The following UNC5A variants were observed in gnomAD, a reference collection of about 807,000 sequenced individuals.
The protein encoded by UNC5A is netrin receptor UNC5A.
In UNC5A, 20 loss-of-function variants were observed where a neutral mutation model predicts 87.4. The observed-to-expected ratio is 0.23, with a 90% CI of 0.16 to 0.33. The LOEUF (loss-of-function observed/expected upper bound fraction) is 0.33. Among genes scored for constraint, UNC5A ranks in the 10% least tolerant of loss-of-function variants. The pLI, the probability that UNC5A is intolerant of heterozygous loss-of-function variation, is 1.00. For missense variants in UNC5A, 844 were observed against 1,133.4 expected, an observed-to-expected ratio of 0.74 and a Z score of 3.67; for synonymous variants, 438 against 482.3, an observed-to-expected ratio of 0.91 and a Z score of 1.20.
intron 1 of UNC5A, among the ~76,000 whole-genome samples, chr5:176,860,939 A>G (rs887588392): frequency 6.6e-6 from 1 of 152,040 alleles, no homozygotes; most frequent in Non-Finnish European, 1.5e-5. Context: ...GAGTGAGAGG[A>G]GGGGCAGGCG....
Position 176,863,525 on chromosome 5 carries a change from G to A in UNC5A, c.292+680G>A, listed in dbSNP as rs187907152. 3.1e-3 allele frequency among the ~76,000 whole-genome samples: 473 copies of A among 152,188 alleles called. 4 individuals carry two copies. Among genetic ancestry groups the A allele is most frequent in the African/African-American group, 0.01 (434 of 41,516 alleles). ...CCAGCCAGACTCAGCTGGGGGCACA[G>A]AGAGAGAGGTTCTAGGGGCAGCGAG... On this transcript the variant is annotated intron_variant, in intron 2 of 14. Transcript: ENST00000329542.
In UNC5A at chr5:176,867,870, T is replaced by C. The variant is rs1171810060; in HGVS notation, c.293-260T>C. Among the ~76,000 whole-genome samples, 3 of 151,650 alleles carry C rather than the reference T, an allele frequency of 2.0e-5. No homozygotes were observed. The East Asian group carries it at 5.8e-4, about 29-fold the overall frequency. ...GGGAGTCAGGCCTCAGGTAACAAAG[T>C]ATAATGAATGGAAGGTCTACCCTGC... On this transcript the variant is annotated intron_variant, in intron 2 of 14. Coordinates refer to ENST00000329542, the MANE Select transcript of UNC5A (RefSeq NM_133369.3).
chr5:176,831,883 C>CTTTTTTTTTTTTTTTT (rs1285414321), intron 1 of UNC5A, among the ~76,000 whole-genome samples: 3 of 115,310 alleles, frequency 2.6e-5, no homozygotes, highest in African/African-American at 1.1e-4. Flanking sequence ...CTTTCTCTCT[C>CTTTTTTTTTTTTTTTT]TCTTTTTTTT....
Position 176,857,500 on chromosome 5 carries a change from G to GCA in UNC5A, c.71-5111_71-5110dup, listed in dbSNP as rs144381794. Among the ~76,000 whole-genome samples the GCA allele has an allele frequency of 3.6e-3, 539 of 151,286 alleles. 4 individuals are homozygous for GCA. The highest frequency in any genetic ancestry group is 0.013 in the African/African-American group (517 of 41,254). On this transcript the variant is annotated intron_variant, in intron 1 of 14. Transcript: ENST00000329542. ...TGGCCCCCAGCCTCCCTACACACAC[G>GCA]CACACACACACACATGCATGCCACA... is the stretch of plus-strand genomic sequence containing the variant.
At chr5:176,833,314 C>A (rs1176808722) in intron 1 of UNC5A, among the ~76,000 whole-genome samples, 9 of 148,922 alleles carry the variant, frequency 6.0e-5, no homozygotes, top group African/African-American at 2.1e-4. Flanking sequence ...CACCCTCCAC[C>A]CTCAAGTAAG....
chr5:176,841,040 C>T lies in UNC5A; in HGVS notation c.71-21584C>T, dbSNP rs73340089. ...CGGAGAAGGGGGATGAACCACTCCG[C>T]GCTGAATGGAGGCAGCGTGACTTGG... On this transcript the variant is annotated intron_variant, in intron 1 of 14. Coordinates refer to ENST00000329542, the MANE Select transcript of UNC5A (RefSeq NM_133369.3). This position sits in a 1 kb window ranked among gnomAD's most constrained non-coding sequence, Gnocchi z 4.1. 1.8e-3 allele frequency among the ~76,000 whole-genome samples: 272 copies of T among 152,338 alleles called. No homozygotes were observed. The highest frequency in any genetic ancestry group is 6.2e-3 in the African/African-American group (257 of 41,572).
intron 1 of UNC5A, among the ~76,000 whole-genome samples, chr5:176,843,389 T>C (rs1467912255): frequency 1.3e-5 from 2 of 151,842 alleles, no homozygotes; most frequent in East Asian, 1.9e-4. Context: ...CATGATCCCA[T>C]TGCGGTGACA....
intron 1 of UNC5A, among the ~76,000 whole-genome samples, chr5:176,832,220 A>T (rs1757049206): frequency 6.6e-6 from 1 of 152,060 alleles, no homozygotes; most frequent in Non-Finnish European, 1.5e-5. Flanking sequence ...CTGAAGCCTC[A>T]ATGCAGAGTT....
intron 1 of UNC5A, among the ~76,000 whole-genome samples, chr5:176,820,440 C>T (rs1369084640): frequency 1.3e-5 from 2 of 152,270 alleles, no homozygotes; most frequent in Non-Finnish European, 1.5e-5. Flanking sequence ...GAAAACAAGG[C>T]TGGCCATTCA....
At chr5:176,860,729 G>A (rs1757815582) in intron 1 of UNC5A, among the ~76,000 whole-genome samples, 4 of 152,178 alleles carry the variant, frequency 2.6e-5, no homozygotes, top group Non-Finnish European at 5.9e-5. Flanking sequence ...GGTGGGGTGG[G>A]TCTGGGTCTG....
chr5:176,868,998 G>A, intron 5 of UNC5A, 34 bp downstream of exon 5: 2 of 1,563,802 alleles, frequency 1.3e-6, no homozygotes, highest in Non-Finnish European at 8.7e-7. Flanking sequence ...ACAGGGAGAG[G>A]CACTGCGGTG....
At chr5:176,834,511 G>A (rs570772114) in intron 1 of UNC5A, among the ~76,000 whole-genome samples, 93 of 152,254 alleles carry the variant, frequency 6.1e-4, no homozygotes, top group African/African-American at 1.8e-3. Flanking sequence ...AGGAAAGGAC[G>A]AAAAAGAGAA....
chr5:176,876,209 G>A (rs575641069), intron 8 of UNC5A, among the ~76,000 whole-genome samples: 8 of 152,352 alleles, frequency 5.3e-5, no homozygotes, highest in African/African-American at 1.4e-4. Context: ...GCCTTCCTGC[G>A]AGGATGTCTG....
chr5:176,814,441 C>G lies in UNC5A; in HGVS notation c.70+3621C>G, dbSNP rs887590542. Among the ~76,000 whole-genome samples the G allele has an allele frequency of 2.0e-5, 3 of 152,162 alleles. No homozygotes were observed. In the South Asian group the frequency reaches 6.2e-4, roughly 31 times the overall value. On this transcript the variant is annotated intron_variant, in intron 1 of 14. Transcript: ENST00000329542. ...CTCCTTTGCCTTGCAAAGCGTGGTG[C>G]CACTGACCCCGCCAGCATGCTCCCC...
chr5:176,846,707 T>C (rs1156281781), intron 1 of UNC5A, among the ~76,000 whole-genome samples: 2 of 152,142 alleles, frequency 1.3e-5, no homozygotes, highest in Non-Finnish European at 2.9e-5. Context: ...CCAGGCCTGG[T>C]TTCGACCTGC....
chr5:176,821,928 G>C (rs983049495), intron 1 of UNC5A, among the ~76,000 whole-genome samples: 1 of 152,220 alleles, frequency 6.6e-6, no homozygotes, highest in Non-Finnish European at 1.5e-5. Flanking sequence ...GGCTGGAAGG[G>C]ACAGCTTCCC....
Position 176,877,542 on chromosome 5 carries a change from C to T in UNC5A, c.1474C>T (p.Leu492=). The T allele has an allele frequency of 6.3e-7, 1 of 1,594,228 alleles. No individual in the cohort carries two copies. The highest frequency in any genetic ancestry group is 8.6e-7 in the Non-Finnish European group (1 of 1,168,168). ...CATATTTCCCCACTTGAGGTTGCCC[C>T]TAGCTGGCTGTCAGACCCTGCTGAG... The part of the protein sequence containing the change: ...LHKPEDVRLP[L]AGCQTLLSPI... Residue 492 remains leucine (L), a synonymous_variant, in exon 10 of 15, where the codon CTA becomes TTA. Coordinates refer to ENST00000329542, the MANE Select transcript of UNC5A (RefSeq NM_133369.3).
Position 176,870,679 on chromosome 5 carries a change from C to T in UNC5A, c.886+145C>T, listed in dbSNP as rs1435818966. On this transcript the variant is annotated intron_variant, in intron 6 of 14. Coordinates refer to ENST00000329542, the MANE Select transcript of UNC5A (RefSeq NM_133369.3). ...AGGACCCACTGAGATCCCCCTCATC[C>T]TTAGCATACCTGCACATGGGCCCAG... is the stretch of plus-strand genomic sequence containing the variant. The T allele has an allele frequency of 7.6e-6, 7 of 921,186 alleles. No individual in the cohort carries two copies. The Admixed American group carries it at 1.3e-4, about 17-fold the overall frequency. 57.1% of individuals were successfully genotyped at this position (921,186 alleles called of 1,614,324 possible).
chr5:176,860,963 G>A (rs376225819), intron 1 of UNC5A, among the ~76,000 whole-genome samples: 4 of 152,088 alleles, frequency 2.6e-5, no homozygotes, highest in African/African-American at 4.8e-5. Context: ...AGGGAGGGCC[G>A]GCGACCCAGC....
Sources: gnomAD v4.1 joint callset for allele counts (sites outside exome capture counted in the v4.1 genomes callset) on GRCh38, gnomAD v4.1.1 for gene constraint, Gnocchi (gnomAD v3.1) non-coding constraint, MANE v1.5 for transcripts, NCBI Gene and HGNC (gene_info 2026-07-23, HGNC 2026-07-21) for gene names.